The following KARS1 variants were observed in gnomAD, a reference collection of about 807,000 sequenced individuals.
KARS1 encodes the protein lysine--tRNA ligase.
Under a neutral mutation model 63.9 loss-of-function variants are expected in KARS1, and 50 were observed. The observed-to-expected ratio is 0.78, with a 90% CI of 0.62 to 0.99. KARS1 has a LOEUF of 0.99. KARS1 is among the 50% of genes least tolerant of loss of function. KARS1 has a pLI of 0.00. For missense variants in KARS1, 816 were observed against 754.5 expected, an observed-to-expected ratio of 1.08 and a Z score of -0.95; for synonymous variants, 320 against 264.6, an observed-to-expected ratio of 1.21 and a Z score of -2.03.
intron 2 of KARS1, 135 bp downstream of exon 2, chr16:75,641,429 G>T: frequency 1.4e-6 from 1 of 725,502 alleles, no homozygotes; most frequent in Non-Finnish European, 2.4e-6. Flanking sequence ...CAGATGCAGT[G>T]GGAGACCCTC....
At position 75,630,637 on chromosome 16, in the gene KARS1, T is replaced by C. The variant is rs2082101627; in HGVS notation, c.1339-129A>G. ...ATAGCTTTTTATTTATTTATTATTA[T>C]TATTATTATTATTATTGAGATGGAG... is the stretch of plus-strand genomic sequence containing the variant. On this transcript the variant is annotated intron_variant, in intron 10 of 13. Transcript: ENST00000302445. The C allele has an allele frequency of 1.1e-5, 4 of 369,648 alleles. No individual in the cohort carries two copies. The South Asian group carries it at 1.3e-4, about 12-fold the overall frequency. 22.9% of individuals were successfully genotyped at this position (369,648 alleles called of 1,614,324 possible).
chr16:75,647,457 T>C (rs868235088), intron 1 of KARS1, 121 bp downstream of exon 1: 3 of 921,592 alleles, frequency 3.3e-6, no homozygotes, highest in Non-Finnish European at 5.2e-6. Context: ...TCTCAGCATG[T>C]GCGTACCCAC....
chr16:75,640,440 G>C (rs570980051), intron 2 of KARS1, 91 bp from the exon 3 acceptor site: 2 of 1,170,632 alleles, frequency 1.7e-6, no homozygotes, highest in East Asian at 4.7e-5. Flanking sequence ...TTCTGCCCCC[G>C]AGTGACCCCA....
At chr16:75,647,219 C>T (rs2082296739) in intron 1 of KARS1, among the ~76,000 whole-genome samples, 1 of 152,248 alleles carries the variant, frequency 6.6e-6, no homozygotes, top group Non-Finnish European at 1.5e-5. Flanking sequence ...TCCACGTTTA[C>T]TGAGTGGCTC....
intron 1 of KARS1, among the ~76,000 whole-genome samples, chr16:75,644,677 C>T (rs1009410953): frequency 6.6e-6 from 1 of 152,166 alleles, no homozygotes; most frequent in African/African-American, 2.4e-5. Flanking sequence ...AAAAAACATG[C>T]ATATCTGGGG....
rs749584191 is a variant in KARS1 at position 75,631,487 on chromosome 16, A to T, written c.1181T>A (p.Ile394Asn). 1.9e-6 allele frequency: 3 copies of T among 1,614,132 alleles called. No homozygotes were observed. The highest frequency in any genetic ancestry group is 2.5e-6 in the Non-Finnish European group (3 of 1,180,004). ...TTTCTCAAGCTCTTCTACCATGTTG[A>T]TTCGCCGGAAGGGTGGGGTGAAGTC... ...DVDFTPPFRRINMVEELEKAL... is the reference protein window; with the variant it reads ...DVDFTPPFRRNNMVEELEKAL... The change falls in exon 9 of 14, where the codon ATC becomes AAC. Residue 394 changes from isoleucine to asparagine, a missense_variant. Coordinates refer to ENST00000302445, the MANE Select transcript of KARS1 (RefSeq NM_005548.3).
intron 10 of KARS1, 94 bp from the exon 11 acceptor site, chr16:75,630,602 G>A (rs2151801432): frequency 1.4e-6 from 1 of 739,186 alleles, no homozygotes; most frequent in East Asian, 2.7e-5. Flanking sequence ...CATCCAGATG[G>A]GTTTATCCTA....
At position 75,636,115 on chromosome 16, in the gene KARS1, T is replaced by C. The variant is rs757219052; in HGVS notation, c.483-17A>G. The C allele has an allele frequency of 5.5e-6, 8 of 1,450,404 alleles. No individual in the cohort carries two copies. Among genetic ancestry groups the C allele is most frequent in the Admixed American group, 1.7e-5 (1 of 58,988 alleles). 89.8% of individuals were successfully genotyped at this position (1,450,404 alleles called of 1,614,324 possible). On this transcript the variant is annotated splice_polypyrimidine_tract_variant and intron_variant, in intron 4 of 13. Transcript: ENST00000302445. ...TTATAATTTCTGAGTGAAAAAGAAA[T>C]GTAATTCAGTAACAACAATTCAAAT...
intron 1 of KARS1, 159 bp downstream of exon 1, chr16:75,647,412 CCGGGGTA>C (rs2082299778): frequency 1.4e-6 from 1 of 720,762 alleles, no homozygotes; most frequent in East Asian, 2.7e-5. Context: ...CCGGGGTATC[CCGGGGTA>C]CGTGGTCTGC....
intron 7 of KARS1, 56 bp from the exon 8 acceptor site, chr16:75,631,911 G>A (rs935155204): frequency 1.2e-6 from 2 of 1,602,364 alleles, no homozygotes; most frequent in Non-Finnish European, 8.5e-7. Flanking sequence ...TTTTGAGATG[G>A]AGTTTTGCTC....
chr16:75,643,778 C>T (rs2151812015), intron 1 of KARS1, among the ~76,000 whole-genome samples: 1 of 152,328 alleles, frequency 6.6e-6, no homozygotes, highest in East Asian at 1.9e-4. Context: ...TAAAGACAAC[C>T]TTTCCAAAAC....
At position 75,629,693 on chromosome 16, in the gene KARS1, G is replaced by A. The variant is rs2082090694; in HGVS notation, c.1425-152C>T. The A allele has an allele frequency of 6.1e-6, 5 of 816,326 alleles. No individual in the cohort carries two copies. The South Asian group carries it at 6.8e-5, about 11-fold the overall frequency. The allele number at this position is 816,326 out of a possible 1,614,324, so 50.6% of individuals were successfully genotyped here. A position where few individuals can be genotyped will look rare whatever the true frequency, so the allele number is the denominator to read the frequency against. ...CGGCTCACTGCAACCTCTGTCTCCT[G>A]GGTTCAAGCACTTCTCCTGCCTCAG... On this transcript the variant is annotated intron_variant, in intron 11 of 13. Coordinates refer to ENST00000302445, the MANE Select transcript of KARS1 (RefSeq NM_005548.3).
At chr16:75,631,382 C>T (rs747586573) in intron 9 of KARS1, 34 bp downstream of exon 9, 1 of 1,609,018 alleles carries the variant, frequency 6.2e-7, no homozygotes, top group South Asian at 1.1e-5. Flanking sequence ...GGAAGGAGGG[C>T]CTTACAACGG....
intron 6 of KARS1, chr16:75,635,241 C>A (rs945420890): frequency 1.5e-5 from 4 of 275,770 alleles, no homozygotes; most frequent in Admixed American, 9.9e-5. Context: ...GTATATATGC[C>A]CAGTAAATGG....
intron 9 of KARS1, 62 bp from the exon 10 acceptor site, chr16:75,631,315 T>C (rs1222604561): frequency 1.9e-6 from 3 of 1,578,540 alleles, no homozygotes; most frequent in Non-Finnish European, 1.7e-6. Flanking sequence ...AAAATGTACA[T>C]AAAGAGAATA....
In KARS1 at chr16:75,627,859, A is replaced by G. The variant is rs757209685; in HGVS notation, c.*36T>C. On this transcript the variant is annotated 3_prime_UTR_variant, in exon 14 of 14. Transcript: ENST00000302445. ...ACCTTGATCTTTCGCAGAAATGCAA[A>G]GACGCCTGAGTTATACAACTTGCAA... 8.4e-7 allele frequency: 1 copy of G among 1,190,106 alleles called. No homozygotes were observed. Among genetic ancestry groups the G allele is most frequent in the South Asian group, 1.2e-5 (1 of 82,608 alleles). The allele number at this position is 1,190,106 out of a possible 1,614,324, so 73.7% of individuals were successfully genotyped here. A position where few individuals can be genotyped will look rare whatever the true frequency, so the allele number is the denominator to read the frequency against.
At chr16:75,637,106 A>T (rs1341015417) in intron 3 of KARS1, among the ~76,000 whole-genome samples, 1 of 152,172 alleles carries the variant, frequency 6.6e-6, no homozygotes, top group African/African-American at 2.4e-5. Flanking sequence ...CTGGATGCCT[A>T]GAAGATGGTG....
At chr16:75,636,625 C>T in intron 3 of KARS1, 78 bp from the exon 4 acceptor site, 1 of 949,978 alleles carries the variant, frequency 1.1e-6, no homozygotes. Context: ...AAAAAACTCC[C>T]TCTGCATTTT....
At position 75,631,454 on chromosome 16, in the gene KARS1, C is replaced by G; in HGVS notation, c.1214G>C (p.Gly405Ala). Residue 405 changes from glycine to alanine, a missense_variant, in exon 9 of 14, where the codon GGG (glycine) becomes GCG (alanine). Coordinates refer to ENST00000302445, the MANE Select transcript of KARS1 (RefSeq NM_005548.3). ...NMVEELEKALGMKLPETNLFE... is the reference protein window; with the variant it reads ...NMVEELEKALAMKLPETNLFE... ...GAGGTTCGTTTCTGGCAGCTTCATC[C>G]CCAGGGCTTTCTCAAGCTCTTCTAC... The G allele has an allele frequency of 6.2e-7, 1 of 1,614,158 alleles. No homozygotes were observed. The highest frequency in any genetic ancestry group is 1.1e-5 in the South Asian group (1 of 91,078).
Sources: allele counts gnomAD v4.1 joint callset (sites outside exome capture counted in the v4.1 genomes callset), GRCh38; gene constraint gnomAD v4.1.1; transcripts MANE v1.5; gene names NCBI Gene and HGNC (gene_info 2026-07-23, HGNC 2026-07-21).